The following ROGDI variants were observed in gnomAD, a reference collection of about 807,000 sequenced individuals.
ROGDI encodes protein rogdi homolog.
A neutral mutation model predicts 43.1 loss-of-function variants in ROGDI; 46 were observed. That is an observed-to-expected ratio of 1.07 (90% CI 0.84 to 1.37). The LOEUF is 1.37. Ranked by LOEUF, ROGDI falls within the 40% of genes most tolerant of loss-of-function variation. ROGDI has a pLI of 0.00. For synonymous variants in ROGDI, 243 were observed against 162.0 expected, an observed-to-expected ratio of 1.50 and a Z score of -3.80; for missense variants, 518 against 383.9, an observed-to-expected ratio of 1.35 and a Z score of -2.92.
At position 4,798,905 on chromosome 16, in the gene ROGDI, G is replaced by C. The variant is rs1332931456; in HGVS notation, c.433-238C>G. Reference sequence around the variant, plus strand: ...GCTGATTCACTGCACGGGGATCCTGGGTGCTGGATCAATGGGGAATGGAAG... The same window carrying C: ...GCTGATTCACTGCACGGGGATCCTGCGTGCTGGATCAATGGGGAATGGAAG... On this transcript the variant is annotated intron_variant, in intron 6 of 10. Transcript: ENST00000322048. The C allele has an allele frequency of 7.4e-6, 4 of 540,854 alleles. No homozygotes were observed. The East Asian group carries it at 1.3e-4, about 18-fold the overall frequency. 33.5% of individuals were successfully genotyped at this position (540,854 alleles called of 1,614,324 possible).
intron 5 of ROGDI, among the ~76,000 whole-genome samples, chr16:4,800,290 T>C (rs1175363750): frequency 2.0e-5 from 3 of 152,088 alleles, no homozygotes; most frequent in African/African-American, 7.2e-5. Context: ...CCCTCGGGGC[T>C]CTCAGGCCAG....
At position 4,797,452 on chromosome 16, in the gene ROGDI, T is replaced by C. The variant is rs746123915; in HGVS notation, c.*8A>G. On this transcript the variant is annotated 3_prime_UTR_variant, in exon 11 of 11. Transcript: ENST00000322048. ...GCCTTCCTGGAGACAAGCTCCTGGG[T>C]GCTGTGATCAGAAGGGTCTGTAGCT... is the stretch of plus-strand genomic sequence containing the variant. 3.7e-6 allele frequency: 6 copies of C among 1,612,278 alleles called. No individual in the cohort carries two copies. The South Asian group carries it at 6.6e-5, about 18-fold the overall frequency.
chr16:4,802,016 C>G (rs1461980649), intron 2 of ROGDI: 1 of 581,180 alleles, frequency 1.7e-6, no homozygotes, highest in African/African-American at 1.8e-5. Flanking sequence ...TGTTATCTCC[C>G]TTTTGCCAAT....
At position 4,798,101 on chromosome 16, in the gene ROGDI, C is replaced by T; in HGVS notation, c.615G>A (p.Gln205=). 1 of 1,614,010 alleles carries T rather than the reference C, an allele frequency of 6.2e-7. No homozygotes were observed. The highest frequency in any genetic ancestry group is 8.5e-7 in the Non-Finnish European group (1 of 1,179,956). ...TGGAGTTGGGCTGCAGGGCATGCAG[C>T]TGGTACACCGTGAGGCAGAGCTTGT... ...NLNKLCLTVY[Q]LHALQPNSTK... The change falls in exon 8 of 11, where the codon CAG becomes CAA. Residue 205 remains glutamine (Q), a synonymous_variant. Transcript: ENST00000322048.
chr16:4,800,947 C>G (rs1287890258), intron 4 of ROGDI: 11 of 504,692 alleles, frequency 2.2e-5, no homozygotes, highest in Non-Finnish European at 3.9e-5. Flanking sequence ...GGCACAGAGT[C>G]GGGTGCAGAC....
In ROGDI at chr16:4,797,179, T is replaced by A; in HGVS notation, c.*281A>T. The A allele has an allele frequency of 2.4e-6, 1 of 412,804 alleles. No homozygotes were observed. Among genetic ancestry groups the A allele is most frequent in the South Asian group, 2.9e-5 (1 of 34,506 alleles). The allele number at this position is 412,804 out of a possible 1,614,324, so 25.6% of individuals were successfully genotyped here. A position where few individuals can be genotyped will look rare whatever the true frequency, so the allele number is the denominator to read the frequency against. On this transcript the variant is annotated 3_prime_UTR_variant, in exon 11 of 11. Coordinates refer to ENST00000322048, the MANE Select transcript of ROGDI (RefSeq NM_024589.3). ...AGGGAGAGCCCTGCGCCTGGCCCTGTCCTGAGTCCAAAGATTCCCATGGTG... is the reference window on the plus strand; with the variant it reads ...AGGGAGAGCCCTGCGCCTGGCCCTGACCTGAGTCCAAAGATTCCCATGGTG...
Position 4,802,618 on chromosome 16 carries a change from G to T in ROGDI, c.-47C>A. On this transcript the variant is annotated 5_prime_UTR_variant, in exon 1 of 11. Coordinates refer to ENST00000322048, the MANE Select transcript of ROGDI (RefSeq NM_024589.3). ...GCCCTCCCCACCGGCCGCTGCTCCT[G>T]TCCACCAATCTTTCTGTCCTCGGTC... 1 of 1,285,944 alleles carries T rather than the reference G, an allele frequency of 7.8e-7. No homozygotes were observed. The highest frequency in any genetic ancestry group is 9.9e-7 in the Non-Finnish European group (1 of 1,012,888). 79.7% of individuals were successfully genotyped at this position (1,285,944 alleles called of 1,614,324 possible).
At position 4,798,407 on chromosome 16, in the gene ROGDI, G is replaced by A. The variant is rs140779198; in HGVS notation, c.531+162C>T. 2.1e-4 allele frequency: 148 copies of A among 706,006 alleles called. No homozygotes were observed. In the East Asian group the frequency reaches 3.2e-3, roughly 15 times the overall value. The allele number at this position is 706,006 out of a possible 1,614,324, so 43.7% of individuals were successfully genotyped here. ...CCCGAAACAGGGTTAACGTATTTTA[G>A]GGGCACAGGACGGAAGCCAAGGACC... On this transcript the variant is annotated intron_variant, in intron 7 of 10. Transcript: ENST00000322048.
At chr16:4,802,211 G>A (rs1168204945) in intron 2 of ROGDI, 171 bp downstream of exon 2, 2 of 682,764 alleles carry the variant, frequency 2.9e-6, no homozygotes, top group East Asian at 2.9e-5. Flanking sequence ...CCCGCACACA[G>A]GTACTTATAT....
In ROGDI at chr16:4,796,969, G is replaced by A. The variant is rs953121647; in HGVS notation, c.*491C>T. On this transcript the variant is annotated 3_prime_UTR_variant, in exon 11 of 11. Coordinates refer to ENST00000322048, the MANE Select transcript of ROGDI (RefSeq NM_024589.3). ...AGACAGACAGACAGGGGCTCCAGGT[G>A]GAGTCTGATGATCTTTATTTCTTAG... is the stretch of plus-strand genomic sequence containing the variant. 3 of 156,080 alleles carry A rather than the reference G, an allele frequency of 1.9e-5. No individual in the cohort carries two copies. Among genetic ancestry groups the A allele is most frequent in the African/African-American group, 7.2e-5 (3 of 41,460 alleles). The allele number at this position is 156,080 out of a possible 1,614,324, so 9.7% of individuals were successfully genotyped here.
At chr16:4,799,627 G>A (rs2082693332) in intron 6 of ROGDI, 59 bp downstream of exon 6, 1 of 1,328,210 alleles carries the variant, frequency 7.5e-7, no homozygotes, top group South Asian at 1.2e-5. Flanking sequence ...GAACCCAGGT[G>A]TGATTCCGGA....
Position 4,798,149 on chromosome 16 carries a change from C to T in ROGDI, c.567G>A (p.Leu189=), listed in dbSNP as rs143000899. 1,073 of 1,613,988 alleles carry T rather than the reference C, an allele frequency of 6.6e-4. 1 individual carries two copies. Among genetic ancestry groups the T allele is most frequent in the Admixed American group, 1.9e-3 (114 of 60,008 alleles). ...MFAPALPSDL[L]VNVYINLNKL... ...TGTTGAGGTTGATGTAGACGTTGAC[C>T]AGCAGGTCGGACGGCAGGGCAGGGG... Residue 189 remains leucine, a synonymous_variant, in exon 8 of 11, where the codon CTG becomes CTA. Coordinates refer to ENST00000322048, the MANE Select transcript of ROGDI (RefSeq NM_024589.3).
Position 4,797,694 on chromosome 16 carries a change from G to C in ROGDI, c.822+20C>G. The C allele has an allele frequency of 6.2e-7, 1 of 1,613,960 alleles. No homozygotes were observed. Among genetic ancestry groups the C allele is most frequent in the Non-Finnish European group, 8.5e-7 (1 of 1,179,884 alleles). ...CCTTAGAAGTCCTTCCCCTAATGAA[G>C]GCGCTCGGCCCGGGCCCACCTTGTC... On this transcript the variant is annotated intron_variant, in intron 10 of 10. Transcript: ENST00000322048.
chr16:4,802,483 G>A, intron 1 of ROGDI, 30 bp from the exon 2 acceptor site: 2 of 1,211,246 alleles, frequency 1.7e-6, no homozygotes, highest in Non-Finnish European at 2.0e-6. Flanking sequence ...GTCGCGCCCG[G>A]CCCCGCCGCC....
At chr16:4,801,676 C>CG (rs1423090425) in intron 2 of ROGDI, 91 bp from the exon 3 acceptor site, 21 of 1,241,564 alleles carry the variant, frequency 1.7e-5, no homozygotes, top group East Asian at 2.5e-5. Flanking sequence ...TCCAAGTCAG[C>CG]GGGGGGAAGG....
rs2141907538 is a variant in ROGDI, at chr16:4,798,633, G to A, written c.467C>T (p.Ala156Val). ...GGCGGGGGTGGTGAGCCGGTTTCGGGCTCTGGTCAGCTGCAGCATCACTGC... is the reference window on the plus strand; with the variant it reads ...GGCGGGGGTGGTGAGCCGGTTTCGGACTCTGGTCAGCTGCAGCATCACTGC... ...MDAVMLQLTR[A>V]RNRLTTPATL... The change falls in exon 7 of 11, where the codon GCC becomes GTC. Residue 156 changes from alanine to valine, a missense_variant. Coordinates refer to ENST00000322048, the MANE Select transcript of ROGDI (RefSeq NM_024589.3). The A allele has an allele frequency of 3.2e-6, 5 of 1,573,508 alleles. No homozygotes were observed. The highest frequency in any genetic ancestry group is 1.7e-4 in the Middle Eastern group (1 of 6,012).
In ROGDI at chr16:4,800,347, G is replaced by A. The variant is rs193182933; in HGVS notation, c.336+151C>T. On this transcript the variant is annotated intron_variant, in intron 5 of 10. Transcript: ENST00000322048. Reference sequence around the variant, plus strand: ...CGCAGCCTCCAGGGCTTCAGGAAACGCCTGCCCCCAGCTTTGCTGTTAGGA... The same window carrying A: ...CGCAGCCTCCAGGGCTTCAGGAAACACCTGCCCCCAGCTTTGCTGTTAGGA... 7.2e-5 allele frequency: 48 copies of A among 667,408 alleles called. No individual in the cohort carries two copies. In the East Asian group the frequency reaches 1.3e-3, roughly 17 times the overall value. The allele number at this position is 667,408 out of a possible 1,614,324, so 41.3% of individuals were successfully genotyped here. A position where few individuals can be genotyped will look rare whatever the true frequency, so the allele number is the denominator to read the frequency against.
intron 4 of ROGDI, chr16:4,800,800 G>A (rs1172707335): frequency 5.2e-6 from 3 of 581,760 alleles, no homozygotes; most frequent in Non-Finnish European, 9.2e-6. Context: ...AAGTGAAATG[G>A]AAAGAGGTGA....
At chr16:4,800,059 A>T (rs1224319983) in intron 5 of ROGDI, among the ~76,000 whole-genome samples, 1 of 152,170 alleles carries the variant, frequency 6.6e-6, no homozygotes, top group African/African-American at 2.4e-5. Context: ...AAACAGGGCG[A>T]CAAGGCAGGG....
Sources: gnomAD v4.1 joint callset for allele counts (sites outside exome capture counted in the v4.1 genomes callset) on GRCh38, gnomAD v4.1.1 for gene constraint, MANE v1.5 for transcripts, NCBI Gene and HGNC (gene_info 2026-07-23, HGNC 2026-07-21) for gene names.